GOLIM4: variants seen among roughly 807,000 people sequenced by gnomAD.
GOLIM4 encodes the protein golgi integral membrane protein 4.
A neutral mutation model predicts 107.4 loss-of-function variants in GOLIM4; 71 were observed. The observed-to-expected ratio is 0.66, with a 90% confidence interval of 0.55 to 0.81. The LOEUF is 0.81. Ranked by LOEUF, GOLIM4 falls within the 30% of genes least tolerant of loss-of-function variation. GOLIM4 has a pLI of 0.00. For synonymous variants in GOLIM4, 327 were observed against 294.8 expected, an observed-to-expected ratio of 1.11 and a Z score of -1.12; for missense variants, 830 against 826.1, an observed-to-expected ratio of 1.00 and a Z score of -0.06.
At chr3:168,035,960 A>G (rs61401205) in intron 8 of GOLIM4, among the ~76,000 whole-genome samples, 1,803 of 152,348 alleles carry the variant, frequency 0.012, 34 homozygotes, top group African/African-American at 0.041. Flanking sequence ...AAGAATATAA[A>G]AAGGTGTATT....
intron 1 of GOLIM4, among the ~76,000 whole-genome samples, chr3:168,064,108 C>A (rs552297830): frequency 3.3e-5 from 5 of 152,172 alleles, no homozygotes. Context: ...TCCCAGGAGG[C>A]TTCCCCAGGC....
At chr3:168,051,235 G>A (rs1356473909) in intron 1 of GOLIM4, among the ~76,000 whole-genome samples, 1 of 152,022 alleles carries the variant, frequency 6.6e-6, no homozygotes, top group Admixed American at 6.6e-5. Context: ...AGTGCTGGGT[G>A]CAGGATGGTA....
chr3:168,015,337 T>C (rs1162608318), intron 14 of GOLIM4, among the ~76,000 whole-genome samples: 3 of 148,546 alleles, frequency 2.0e-5, no homozygotes, highest in East Asian at 3.9e-4. Flanking sequence ...TTACAAGGGA[T>C]GTGAAGGACC....
chr3:168,067,120 T>C (rs938272277), intron 1 of GOLIM4, among the ~76,000 whole-genome samples: 2 of 152,126 alleles, frequency 1.3e-5, no homozygotes, highest in Non-Finnish European at 1.5e-5. Flanking sequence ...CTTTAGAATC[T>C]TGAAAACACA....
chr3:168,032,946 C>T lies in GOLIM4; in HGVS notation c.844-94G>A, dbSNP rs1391822908. 5 of 920,800 alleles carry T rather than the reference C, an allele frequency of 5.4e-6. No individual in the cohort carries two copies. In the Admixed American group the frequency reaches 6.8e-5, roughly 13 times the overall value. 57.0% of individuals were successfully genotyped at this position (920,800 alleles called of 1,614,324 possible). On this transcript the variant is annotated intron_variant, in intron 8 of 15. Coordinates refer to ENST00000470487, the MANE Select transcript of GOLIM4 (RefSeq NM_014498.5). Reference sequence around the variant, plus strand: ...TCCATGTCTATGGGGCATGGGGCTACAACAGAAGAAGGTGTCTAGAAATAT... The same window carrying T: ...TCCATGTCTATGGGGCATGGGGCTATAACAGAAGAAGGTGTCTAGAAATAT...
intron 1 of GOLIM4, among the ~76,000 whole-genome samples, chr3:168,052,201 A>G (rs1719685920): frequency 6.6e-6 from 1 of 152,200 alleles, no homozygotes; most frequent in Admixed American, 6.5e-5. Flanking sequence ...AGTGCTTAGA[A>G]TACTGCCTGG....
At chr3:168,023,494 CAAGA>C (rs1224627044) in intron 14 of GOLIM4, among the ~76,000 whole-genome samples, 5 of 152,278 alleles carry the variant, frequency 3.3e-5, no homozygotes, top group African/African-American at 1.2e-4. Context: ...TCAGTAAGAA[CAAGA>C]AAGCAGACCT....
intron 1 of GOLIM4, among the ~76,000 whole-genome samples, chr3:168,050,045 T>G (rs1248104547): frequency 6.6e-6 from 1 of 152,082 alleles, no homozygotes; most frequent in African/African-American, 2.4e-5. Flanking sequence ...TTTTCCCTCA[T>G]CCGTAGGCAG....
chr3:168,037,568 T>C (rs776707417), intron 7 of GOLIM4, among the ~76,000 whole-genome samples: 4 of 152,184 alleles, frequency 2.6e-5, no homozygotes, highest in African/African-American at 7.2e-5. Flanking sequence ...TTTCCTACAC[T>C]GTGCTCTGTG....
At chr3:168,038,735 T>A (rs989653860) in intron 7 of GOLIM4, among the ~76,000 whole-genome samples, 4 of 152,342 alleles carry the variant, frequency 2.6e-5, no homozygotes, top group East Asian at 1.9e-4. Flanking sequence ...GCATTTTTTT[T>A]AAAAGGAGAT....
intron 8 of GOLIM4, 86 bp from the exon 9 acceptor site, chr3:168,032,938 TG>T (rs1718419618): frequency 2.0e-6 from 2 of 1,001,844 alleles, no homozygotes; most frequent in Non-Finnish European, 1.5e-6. Flanking sequence ...CTATGGGGCA[TG>T]GGGCTACAAC....
intron 1 of GOLIM4, 120 bp downstream of exon 1, chr3:168,094,979 G>A (rs1577587963): frequency 1.4e-6 from 1 of 690,922 alleles, no homozygotes. Context: ...CACCTCTGAC[G>A]TCCCTGAAGG....
At chr3:168,025,945 T>C (rs1471935524) in intron 12 of GOLIM4, among the ~76,000 whole-genome samples, 1 of 152,224 alleles carries the variant, frequency 6.6e-6, no homozygotes, top group East Asian at 1.9e-4. Flanking sequence ...GGAACAGTGA[T>C]GCTTGTCATG....
intron 1 of GOLIM4, among the ~76,000 whole-genome samples, chr3:168,094,313 T>C (rs1036990104): frequency 6.6e-6 from 1 of 152,256 alleles, no homozygotes; most frequent in African/African-American, 2.4e-5. Context: ...CAAGTTGGGT[T>C]TGCTGTGCAT....
rs1483855073 is a variant in GOLIM4, at chr3:168,049,259, C to G, written c.188-894G>C. ...GCAGAAGCTGGACAGGAGGGAGAAG[C>G]CTTACCTTTGAATTAACTGTCCTGG... On this transcript the variant is annotated intron_variant, in intron 1 of 15. Coordinates refer to ENST00000470487, the MANE Select transcript of GOLIM4 (RefSeq NM_014498.5). Among the ~76,000 whole-genome samples, 4 of 152,244 alleles carry G rather than the reference C, an allele frequency of 2.6e-5. No individual in the cohort carries two copies. The South Asian group carries it at 6.2e-4, about 24-fold the overall frequency.
At position 168,044,814 on chromosome 3, in the gene GOLIM4, T is replaced by A. The variant is rs772241839; in HGVS notation, c.366+14A>T. The A allele has an allele frequency of 1.3e-5, 19 of 1,447,864 alleles. No homozygotes were observed. Among genetic ancestry groups the A allele is most frequent in the Non-Finnish European group, 1.8e-5 (19 of 1,044,192 alleles). 89.7% of individuals were successfully genotyped at this position (1,447,864 alleles called of 1,614,324 possible). A position where few individuals can be genotyped will look rare whatever the true frequency, so the allele number is the denominator to read the frequency against. ...CTTTCTTTTATTCATAAATAACAAC[T>A]TTAGATTACTCACTTTCAACATCTG... On this transcript the variant is annotated intron_variant, in intron 4 of 15. Coordinates refer to ENST00000470487, the MANE Select transcript of GOLIM4 (RefSeq NM_014498.5).
chr3:168,086,396 C>A (rs1348193753), intron 1 of GOLIM4, among the ~76,000 whole-genome samples: 4 of 152,050 alleles, frequency 2.6e-5, no homozygotes, highest in Non-Finnish European at 5.9e-5. Context: ...TCCTAAATAT[C>A]TTGATTTGCA....
chr3:168,088,351 C>A (rs1166594601), intron 1 of GOLIM4, among the ~76,000 whole-genome samples: 1 of 151,926 alleles, frequency 6.6e-6, no homozygotes, highest in Non-Finnish European at 1.5e-5. Flanking sequence ...AAAAAGAAGC[C>A]CAATGTTAAT....
At chr3:168,034,912 C>T (rs1435429229) in intron 8 of GOLIM4, among the ~76,000 whole-genome samples, 1 of 152,276 alleles carries the variant, frequency 6.6e-6, no homozygotes, top group Non-Finnish European at 1.5e-5. Context: ...TGAGGCTTCC[C>T]CAGCCATGTG....
Sources: gnomAD v4.1 joint callset for allele counts (sites outside exome capture counted in the v4.1 genomes callset) on GRCh38, gnomAD v4.1.1 for gene constraint, MANE v1.5 for transcripts, NCBI Gene and HGNC (gene_info 2026-07-23, HGNC 2026-07-21) for gene names.